The following SLC30A10 variants were observed in gnomAD, a reference collection of about 807,000 sequenced individuals.
The protein encoded by SLC30A10 is calcium/manganese antiporter SLC30A10.
SLC30A10 carries 8 observed loss-of-function variants against 21.7 expected under a neutral mutation model. The observed-to-expected ratio is 0.37, with a 90% CI of 0.22 to 0.67. The LOEUF (loss-of-function observed/expected upper bound fraction) is 0.67. Among genes scored for constraint, SLC30A10 ranks in the 30% least tolerant of loss-of-function variants. SLC30A10 has a pLI of 0.58. For synonymous variants in SLC30A10, 272 were observed against 279.4 expected (o/e 0.97, Z 0.26); for missense variants, 521 against 642.5 (o/e 0.81, Z 2.04).
Position 219,915,662 on chromosome 1 carries a change from A to C in SLC30A10, c.1245T>G (p.Cys415Trp), listed in dbSNP as rs1659519219. 1 of 1,614,092 alleles carries C rather than the reference A, an allele frequency of 6.2e-7. No homozygotes were observed. The highest frequency in any genetic ancestry group is 8.5e-7 in the Non-Finnish European group (1 of 1,180,052). Residue 415 changes from cysteine (C) to tryptophan (W), a missense_variant, in exon 4 of 4, where the codon TGT becomes TGG. Transcript: ENST00000366926. ...ISKGCAKQLC[C>W]PPGALPLAHV... is the part of the protein sequence containing the mutation. The stretch of plus-strand genomic sequence containing the variant: ...GAGCCAGAGGCAGTGCCCCGGGGGG[A>C]CAACACAGCTGCTTAGCACAGCCCT...
At position 219,912,721 on chromosome 1, in the gene SLC30A10, C is replaced by T. The variant is rs1221405243; in HGVS notation, c.*2728G>A. On this transcript the variant is annotated 3_prime_UTR_variant, in exon 4 of 4. Transcript: ENST00000366926. The stretch of plus-strand genomic sequence containing the variant: ...TGGTGGCGAGCACCTGTAATCCCAG[C>T]TACTCGGGAGGCTGAGGCAGGAGAA... Among the ~76,000 whole-genome samples, 1 of 133,690 alleles carries T rather than the reference C, an allele frequency of 7.5e-6. No individual in the cohort carries two copies. Among genetic ancestry groups the T allele is most frequent in the Non-Finnish European group, 1.8e-5 (1 of 57,076 alleles). The allele number at this position is 133,690 out of a possible 152,430, so 87.7% of individuals were successfully genotyped here. A position where few individuals can be genotyped will look rare whatever the true frequency, so the allele number is the denominator to read the frequency against.
intron 1 of SLC30A10, among the ~76,000 whole-genome samples, chr1:219,934,152 G>T (rs1189169392): frequency 6.6e-6 from 1 of 152,218 alleles, no homozygotes. Flanking sequence ...GCCAGGCGTG[G>T]TGGTGGGCAC....
intron 2 of SLC30A10, among the ~76,000 whole-genome samples, chr1:219,922,750 T>G (rs768862605): frequency 4.0e-4 from 61 of 152,180 alleles, no homozygotes; most frequent in South Asian, 1.0e-3. Flanking sequence ...CAAGAGGTGA[T>G]GATAATGATA....
intron 1 of SLC30A10, among the ~76,000 whole-genome samples, chr1:219,950,314 A>C (rs1660250408): frequency 6.6e-6 from 1 of 152,262 alleles, no homozygotes; most frequent in Admixed American, 6.5e-5. Flanking sequence ...TTGAGCACTG[A>C]AAGATGGGGA....
chr1:219,956,661 A>G (rs1660358429), intron 1 of SLC30A10, among the ~76,000 whole-genome samples: 1 of 117,056 alleles, frequency 8.5e-6, no homozygotes, highest in Non-Finnish European at 1.9e-5. Context: ...AAAAATAAAA[A>G]TTAAAAAAAA....
rs1183518266 is a variant in SLC30A10 at position 219,918,378 on chromosome 1, T to C, written c.835A>G (p.Ile279Val). The stretch of plus-strand genomic sequence containing the variant: ...ATGAGGACAGTCAGGCTGGGGTCAA[T>C]GTAACACTGCCAGTTACACGGGTCC... Reference protein sequence around the residue: ...SEDPCNWQCYIDPSLTVLMVI... With the variant: ...SEDPCNWQCYVDPSLTVLMVI... Residue 279 changes from isoleucine to valine, a missense_variant, in exon 3 of 4, where the codon ATT becomes GTT. Ile to Val is a conservative substitution (Grantham distance 29). Transcript: ENST00000366926. The surrounding 1 kb of genome is among the most constrained non-coding windows in gnomAD (Gnocchi z 4.4). The C allele has an allele frequency of 1.9e-6, 3 of 1,614,124 alleles. No homozygotes were observed. The highest frequency in any genetic ancestry group is 1.3e-5 in the African/African-American group (1 of 75,032).
rs1009907098 is a variant in SLC30A10 at position 219,912,948 on chromosome 1, A to T, written c.*2501T>A. On this transcript the variant is annotated 3_prime_UTR_variant, in exon 4 of 4. Transcript: ENST00000366926. ...ATACAGGAGCACCAAACTGAGTGCC[A>T]GTGTTTTTCTAATCTTAAAGGAAAA... Among the ~76,000 whole-genome samples, 6 of 152,224 alleles carry T rather than the reference A, an allele frequency of 3.9e-5. No homozygotes were observed. Among genetic ancestry groups the T allele is most frequent in the African/African-American group, 1.4e-4 (6 of 41,452 alleles).
Position 219,915,331 on chromosome 1 carries a change from A to T in SLC30A10, c.*118T>A. 1 of 1,301,358 alleles carries T rather than the reference A, an allele frequency of 7.7e-7. No homozygotes were observed. Among genetic ancestry groups the T allele is most frequent in the Non-Finnish European group, 1.1e-6 (1 of 937,548 alleles). 80.6% of individuals were successfully genotyped at this position (1,301,358 alleles called of 1,614,324 possible). A position where few individuals can be genotyped will look rare whatever the true frequency, so the allele number is the denominator to read the frequency against. ...CCCAAACAGCCAACCCCTAGTGAACACAGAGCATGCATGCTGCAAGTCTAG... is the reference window on the plus strand; with the variant it reads ...CCCAAACAGCCAACCCCTAGTGAACTCAGAGCATGCATGCTGCAAGTCTAG... On this transcript the variant is annotated 3_prime_UTR_variant, in exon 4 of 4. Transcript: ENST00000366926.
chr1:219,932,787 C>T (rs7532814), upstream of SLC30A10, among the ~76,000 whole-genome samples: 2,644 of 132,370 alleles, frequency 0.02, 78 homozygotes, highest in African/African-American at 0.067. Flanking sequence ...TGAGGCCAGG[C>T]GAGGTGGCTC....
At chr1:219,933,312 C>T (rs184405881), upstream of SLC30A10, among the ~76,000 whole-genome samples, 7 of 152,222 alleles carry the variant, frequency 4.6e-5, no homozygotes, top group East Asian at 1.9e-4. Flanking sequence ...GTTAGGAGCA[C>T]GAGCATAGCA....
intron 1 of SLC30A10, among the ~76,000 whole-genome samples, chr1:219,943,049 A>G (rs1323614367): frequency 6.6e-6 from 1 of 152,194 alleles, no homozygotes; most frequent in East Asian, 1.9e-4. Flanking sequence ...TGTCTCAAAA[A>G]TAAAAATAAA....
chr1:219,952,630 T>C (rs1000272654), intron 1 of SLC30A10, among the ~76,000 whole-genome samples: 1 of 152,200 alleles, frequency 6.6e-6, no homozygotes, highest in African/African-American at 2.4e-5. Context: ...GCAAGTATTC[T>C]CTCTAGCTAA....
chr1:219,925,106 A>G (rs1434034064), intron 2 of SLC30A10, among the ~76,000 whole-genome samples: 1 of 152,240 alleles, frequency 6.6e-6, no homozygotes, highest in Non-Finnish European at 1.5e-5. Context: ...AGAAACTTCA[A>G]TAGCTTAGGA....
chr1:219,937,997 CT>C (rs1660069648), intron 1 of SLC30A10, among the ~76,000 whole-genome samples: 1 of 152,122 alleles, frequency 6.6e-6, no homozygotes, highest in Non-Finnish European at 1.5e-5. Context: ...CTGAAAATTT[CT>C]TCTGTCACCT....
intron 1 of SLC30A10, among the ~76,000 whole-genome samples, chr1:219,933,958 G>A (rs1026744304): frequency 6.6e-6 from 1 of 152,116 alleles, no homozygotes; most frequent in Non-Finnish European, 1.5e-5. Flanking sequence ...TTCAAGACCA[G>A]CCTGGCCAAC....
upstream of SLC30A10, among the ~76,000 whole-genome samples, chr1:219,928,969 C>A (rs998265811): frequency 6.6e-5 from 10 of 152,214 alleles, no homozygotes; most frequent in African/African-American, 1.4e-4. This position sits in a 1 kb window ranked among gnomAD's most constrained non-coding sequence, Gnocchi z 6.3. Context: ...CGCGTACGTG[C>A]CCATAGGCAC....
chr1:219,942,029 C>T (rs1660130427), intron 1 of SLC30A10, among the ~76,000 whole-genome samples: 1 of 152,176 alleles, frequency 6.6e-6, no homozygotes, highest in Admixed American at 6.5e-5. Flanking sequence ...CTTTCTGAGT[C>T]TCTGCTGTGG....
intron 3 of SLC30A10, among the ~76,000 whole-genome samples, chr1:219,917,708 C>CTTTTTTTTTTTT (rs35106027): frequency 1.1e-4 from 11 of 104,076 alleles, no homozygotes; most frequent in East Asian, 2.6e-4. Context: ...TTTTTCTTTC[C>CTTTTTTTTTTTT]TTTTTTTTTT....
Position 219,921,921 on chromosome 1 carries a change from C to CAGAGAGAGAGAGAG in SLC30A10, c.719-3441_719-3428dup, listed in dbSNP as rs57806725. The stretch of plus-strand genomic sequence containing the variant: ...TGTGTGTGTGAAAGAGAGAGAGAGA[C>CAGAGAGAGAGAGAG]AGAGAGAGAGAGAGAGAGAGAGACC... On this transcript the variant is annotated intron_variant, in intron 2 of 3. Coordinates refer to ENST00000366926, the MANE Select transcript of SLC30A10 (RefSeq NM_018713.3). Among the ~76,000 whole-genome samples the CAGAGAGAGAGAGAG allele has an allele frequency of 7.1e-3, 985 of 137,894 alleles. 11 individuals carry two copies. Among genetic ancestry groups the CAGAGAGAGAGAGAG allele is most frequent in the African/African-American group, 0.023 (811 of 35,232 alleles). The allele number at this position is 137,894 out of a possible 152,430, so 90.5% of individuals were successfully genotyped here. A position where few individuals can be genotyped will look rare whatever the true frequency, so the allele number is the denominator to read the frequency against.
Sources: allele counts gnomAD v4.1 joint callset (sites outside exome capture counted in the v4.1 genomes callset), GRCh38; gene constraint gnomAD v4.1.1; non-coding constraint Gnocchi (gnomAD v3.1); transcripts MANE v1.5; gene names NCBI Gene and HGNC (gene_info 2026-07-23, HGNC 2026-07-21).